KLF12: variants seen among roughly 807,000 people sequenced by gnomAD.
KLF12 encodes Krueppel-like factor 12.
A neutral mutation model predicts 37.8 loss-of-function variants in KLF12; 9 were observed. The observed-to-expected ratio is 0.24, with a 90% CI of 0.14 to 0.42. The LOEUF is 0.42. Ranked by LOEUF, KLF12 falls within the 10% of genes least tolerant of loss-of-function variation. KLF12 has a pLI of 1.00. For missense variants in KLF12, 411 were observed against 516.0 expected (o/e 0.80, Z 1.97); for synonymous variants, 208 against 202.1 (o/e 1.03, Z -0.25).
chr13:73,955,337 A>G (rs1196094838), intron 2 of KLF12, among the ~76,000 whole-genome samples: 1 of 152,232 alleles, frequency 6.6e-6, no homozygotes, highest in Non-Finnish European at 1.5e-5. Context: ...TTACATAACT[A>G]AAACAGAAAT....
At chr13:74,237,288 T>C in the KLF12 span, among the ~76,000 whole-genome samples, 15 of 143,186 alleles carry the variant, frequency 1.0e-4, no homozygotes, top group African/African-American at 3.3e-4. Context: ...TCTGTTCTGT[T>C]CCATTGATCT....
intron 5 of KLF12, among the ~76,000 whole-genome samples, chr13:73,798,899 T>A (rs1882136663): frequency 6.6e-6 from 1 of 152,170 alleles, no homozygotes; most frequent in East Asian, 1.9e-4. Flanking sequence ...GATCCAGTAA[T>A]CCCATTACTG....
chr13:74,003,817 T>G (rs1892343818), intron 1 of KLF12, among the ~76,000 whole-genome samples: 1 of 152,224 alleles, frequency 6.6e-6, no homozygotes, highest in Non-Finnish European at 1.5e-5. Context: ...ATAAGTTATG[T>G]AAGTTTCACA....
At chr13:73,948,998 C>T (rs9543497) in intron 2 of KLF12, among the ~76,000 whole-genome samples, 55,350 of 152,006 alleles carry the variant, frequency 0.36, 10,783 homozygotes, top group East Asian at 0.59. Flanking sequence ...GTGCCAAGAG[C>T]TGTGCATATA....
At chr13:74,061,038 A>T (rs936137248) in intron 1 of KLF12, among the ~76,000 whole-genome samples, 1 of 152,208 alleles carries the variant, frequency 6.6e-6, no homozygotes, top group Non-Finnish European at 1.5e-5. Context: ...TACTTTCAAC[A>T]CAAACAAAAA....
chr13:74,284,596 A>G, the KLF12 span, among the ~76,000 whole-genome samples: 1 of 152,180 alleles, frequency 6.6e-6, no homozygotes, highest in Non-Finnish European at 1.5e-5. Flanking sequence ...GTCAGAAGCT[A>G]AGGCCCAGTT....
At chr13:74,131,383 G>A (rs914560132) in intron 1 of KLF12, among the ~76,000 whole-genome samples, 2 of 152,178 alleles carry the variant, frequency 1.3e-5, no homozygotes, top group African/African-American at 2.4e-5. Context: ...TTGGCCTGGG[G>A]AGAGTGAGTA....
At chr13:74,076,253 C>T (rs1874555587) in intron 1 of KLF12, among the ~76,000 whole-genome samples, 1 of 152,140 alleles carries the variant, frequency 6.6e-6, no homozygotes, top group Non-Finnish European at 1.5e-5. Flanking sequence ...CATAATTGCA[C>T]ATCTTAGTGC....
intron 1 of KLF12, among the ~76,000 whole-genome samples, chr13:74,027,539 A>G (rs1480266094): frequency 6.6e-6 from 1 of 152,146 alleles, no homozygotes; most frequent in African/African-American, 2.4e-5. Context: ...TTTAATAGTA[A>G]AACTCAATTA....
At chr13:74,092,581 G>A (rs936771365) in intron 1 of KLF12, among the ~76,000 whole-genome samples, 10 of 151,254 alleles carry the variant, frequency 6.6e-5, no homozygotes, top group Non-Finnish European at 1.0e-4. Flanking sequence ...CTGAGATTGC[G>A]CCACTGCACC....
At chr13:74,000,800 C>T (rs547286827) in intron 1 of KLF12, among the ~76,000 whole-genome samples, 3 of 152,242 alleles carry the variant, frequency 2.0e-5, no homozygotes, top group African/African-American at 7.2e-5. Flanking sequence ...ACCCAGAGAA[C>T]AAATAAGTCT....
intron 3 of KLF12, among the ~76,000 whole-genome samples, chr13:73,858,565 G>C (rs1014230355): frequency 5.3e-5 from 8 of 152,098 alleles, no homozygotes; most frequent in African/African-American, 1.9e-4. Flanking sequence ...GTATTACAAG[G>C]CCTTTTCTGT....
the KLF12 span, among the ~76,000 whole-genome samples, chr13:74,204,251 A>T: frequency 2.3e-3 from 345 of 152,294 alleles, 14 homozygotes; most frequent in East Asian, 0.061. Flanking sequence ...TGTGCAAAGT[A>T]CCTGGCCCAG....
At chr13:74,231,960 T>A in the KLF12 span, among the ~76,000 whole-genome samples, 1 of 152,344 alleles carries the variant, frequency 6.6e-6, no homozygotes, top group Admixed American at 6.5e-5. Flanking sequence ...AAATTAGATA[T>A]TCAAAGAAAT....
intron 5 of KLF12, among the ~76,000 whole-genome samples, chr13:73,798,160 G>C (rs945394233): frequency 6.6e-6 from 1 of 152,110 alleles, no homozygotes; most frequent in Non-Finnish European, 1.5e-5. Flanking sequence ...ACAGAAACGA[G>C]CAATGGGGAA....
At chr13:74,007,447 T>C (rs1892439769) in intron 1 of KLF12, among the ~76,000 whole-genome samples, 1 of 151,836 alleles carries the variant, frequency 6.6e-6, no homozygotes, top group South Asian at 2.1e-4. Context: ...ATTTTTTTTT[T>C]TGTATTTTTA....
At chr13:74,171,625 T>C in the KLF12 span, among the ~76,000 whole-genome samples, 5 of 152,170 alleles carry the variant, frequency 3.3e-5, no homozygotes, top group African/African-American at 1.2e-4. Context: ...TTATTTATAG[T>C]AGTTATTTTC....
At chr13:73,920,695 G>T (rs531204371) in intron 3 of KLF12, among the ~76,000 whole-genome samples, 1 of 151,946 alleles carries the variant, frequency 6.6e-6, no homozygotes, top group African/African-American at 2.4e-5. Flanking sequence ...TAAAAGTTAC[G>T]TCAAACACAA....
At chr13:74,303,139 C>G in the KLF12 span, among the ~76,000 whole-genome samples, 2 of 152,098 alleles carry the variant, frequency 1.3e-5, no homozygotes, top group Non-Finnish European at 2.9e-5. Context: ...ATACTTTCTT[C>G]CTACACTTGA....
Sources: gnomAD v4.1 joint callset for allele counts (sites outside exome capture counted in the v4.1 genomes callset) on GRCh38, gnomAD v4.1.1 for gene constraint, MANE v1.5 for transcripts, NCBI Gene and HGNC (gene_info 2026-07-23, HGNC 2026-07-21) for gene names.